ADAM10: variants seen among roughly 807,000 people sequenced by gnomAD.
ADAM10 encodes the protein disintegrin and metalloproteinase domain-containing protein 10.
ADAM10 carries 17 observed loss-of-function variants against 90.1 expected under a neutral mutation model. The ratio of observed to expected loss-of-function variants is 0.19; its 90% CI spans 0.13 to 0.28. The LOEUF is 0.28. Ranked by LOEUF, ADAM10 falls within the 10% of genes least tolerant of loss-of-function variation. ADAM10 has a pLI of 1.00. For missense variants in ADAM10, 610 were observed against 914.3 expected (o/e 0.67, Z 4.29); for synonymous variants, 310 against 298.6 (o/e 1.04, Z -0.40).
intron 10 of ADAM10, among the ~76,000 whole-genome samples, chr15:58,623,998 G>C (rs12906532): frequency 4.5e-5 from 4 of 88,446 alleles, no homozygotes; most frequent in Non-Finnish European, 8.2e-5. Flanking sequence ...AAAAAAAAAA[G>C]GGGGGGCCAG....
chr15:58,646,152 C>G lies in ADAM10; in HGVS notation c.638G>C (p.Arg213Pro). Residue 213 changes from arginine to proline, a missense_variant, in exon 6 of 16, where the codon CGT (arginine) becomes CCT (proline). By Grantham distance (103) the Arg-to-Pro change is moderately radical. This residue lies in a region of ADAM10 where 310 missense variants were observed against 362.4 expected (regional missense o/e 0.86). Transcript: ENST00000260408. ...AGTATTTTTTTCAGCTGAAGTTGTA[C>G]GTTTTTTCCTCAGAAGTTCTGGACC... ...ANGPELLRKK[R>P]TTSAEKNTCQ... The G allele has an allele frequency of 1.2e-6, 2 of 1,613,410 alleles. No homozygotes were observed. The highest frequency in any genetic ancestry group is 8.5e-7 in the Non-Finnish European group (1 of 1,179,740).
intron 11 of ADAM10, among the ~76,000 whole-genome samples, chr15:58,616,619 G>A (rs1340012289): frequency 1.3e-5 from 2 of 152,082 alleles, no homozygotes; most frequent in South Asian, 4.1e-4. Flanking sequence ...CAAATACTAT[G>A]GGATACAGCT....
At chr15:58,646,237 T>A in intron 5 of ADAM10, 33 bp from the exon 6 acceptor site, 1 of 1,593,916 alleles carries the variant, frequency 6.3e-7, no homozygotes, top group South Asian at 1.1e-5. Flanking sequence ...TGACAATTAG[T>A]ATGCTTCAAT....
chr15:58,743,577 C>G (rs1899683314), intron 1 of ADAM10, among the ~76,000 whole-genome samples: 1 of 151,992 alleles, frequency 6.6e-6, no homozygotes, highest in Non-Finnish European at 1.5e-5. Flanking sequence ...CTGTCATCTA[C>G]CTTTCACTGA....
intron 11 of ADAM10, among the ~76,000 whole-genome samples, chr15:58,614,966 A>AAAAAC (rs745659348): frequency 1.8e-4 from 28 of 152,330 alleles, no homozygotes; most frequent in Middle Eastern, 3.4e-3. Context: ...AAGAATATGC[A>AAAAAC]AAAACAAAAC....
chr15:58,642,356 T>C (rs1469319797), intron 7 of ADAM10, among the ~76,000 whole-genome samples: 1 of 151,660 alleles, frequency 6.6e-6, no homozygotes, highest in East Asian at 1.9e-4. Flanking sequence ...TCCCAGCTAC[T>C]CGGGAGGCTG....
chr15:58,642,235 G>A (rs557348272), intron 7 of ADAM10, among the ~76,000 whole-genome samples: 2 of 152,312 alleles, frequency 1.3e-5, no homozygotes, highest in East Asian at 1.9e-4. Flanking sequence ...GGGAGGCCGA[G>A]GCGGGTGATC....
intron 1 of ADAM10, among the ~76,000 whole-genome samples, chr15:58,730,933 C>A (rs1159245581): frequency 6.6e-6 from 1 of 152,204 alleles, no homozygotes; most frequent in Non-Finnish European, 1.5e-5. Context: ...CCCTGGTTCC[C>A]AGACATTAAG....
At chr15:58,660,899 T>C (rs758964839) in intron 5 of ADAM10, among the ~76,000 whole-genome samples, 13 of 152,240 alleles carry the variant, frequency 8.5e-5, no homozygotes, top group South Asian at 2.1e-4. Flanking sequence ...AAAGCAGCCA[T>C]AGACAACCTA....
chr15:58,736,119 G>T (rs1232201509), intron 1 of ADAM10, among the ~76,000 whole-genome samples: 4 of 152,024 alleles, frequency 2.6e-5, no homozygotes, highest in Admixed American at 2.6e-4. Flanking sequence ...ACATGTTCTT[G>T]TTAAGCCAGG....
chr15:58,622,285 C>T (rs1410565957), intron 10 of ADAM10, among the ~76,000 whole-genome samples: 5 of 152,152 alleles, frequency 3.3e-5, no homozygotes, highest in African/African-American at 1.2e-4. Context: ...TGCTTAATAA[C>T]ATCTAACAGC....
chr15:58,672,960 G>C (rs751092496), intron 4 of ADAM10: 5 of 211,596 alleles, frequency 2.4e-5, no homozygotes, highest in Non-Finnish European at 5.0e-5. Context: ...GTTTGTCCTT[G>C]TTTATAAATT....
chr15:58,619,708 C>T lies in ADAM10; in HGVS notation c.1511+1763G>A, dbSNP rs540511908. ...TCAGGAGGTCAGGAGATCGAGACCA[C>T]CTTGGCTAACAAGGTGAAAGCCCAT... is the stretch of plus-strand genomic sequence containing the variant. On this transcript the variant is annotated intron_variant, in intron 11 of 15. Transcript: ENST00000260408. Among the ~76,000 whole-genome samples the T allele has an allele frequency of 6.6e-5, 10 of 151,984 alleles. No homozygotes were observed. The South Asian group carries it at 1.0e-3, about 16-fold the overall frequency.
In ADAM10 at chr15:58,592,605, A is replaced by G. The variant is rs1483992389; in HGVS notation, c.*4942T>C. On this transcript the variant is annotated 3_prime_UTR_variant, in exon 16 of 16. Coordinates refer to ENST00000260408, the MANE Select transcript of ADAM10 (RefSeq NM_001110.4). ...CCCTTGAAGAAAAATGGTACTTAAGAGACCACAATTAGGGCACTCAATTTG... is the reference window on the plus strand; with the variant it reads ...CCCTTGAAGAAAAATGGTACTTAAGGGACCACAATTAGGGCACTCAATTTG... 6.6e-6 allele frequency: 1 copy of G among 152,170 alleles called. No individual in the cohort carries two copies. The highest frequency in any genetic ancestry group is 2.4e-5 in the African/African-American group (1 of 41,442). The allele number at this position is 152,170 out of a possible 1,614,324, so 9.4% of individuals were successfully genotyped here. A position where few individuals can be genotyped will look rare whatever the true frequency, so the allele number is the denominator to read the frequency against.
In ADAM10 at chr15:58,621,663, C is replaced by T. The variant is rs758933362; in HGVS notation, c.1361-42G>A. 5.6e-6 allele frequency: 9 copies of T among 1,609,588 alleles called. No individual in the cohort carries two copies. The East Asian group carries it at 2.0e-4, about 36-fold the overall frequency. On this transcript the variant is annotated intron_variant, in intron 10 of 15. Coordinates refer to ENST00000260408, the MANE Select transcript of ADAM10 (RefSeq NM_001110.4). Reference sequence around the variant, plus strand: ...AGACAAAGTAAGCATTGTGTGCACACATTAATTTTATTTAAAATTCACAAA... The same window carrying T: ...AGACAAAGTAAGCATTGTGTGCACATATTAATTTTATTTAAAATTCACAAA...
At chr15:58,673,639 G>A (rs1042122790) in intron 4 of ADAM10, among the ~76,000 whole-genome samples, 8 of 151,754 alleles carry the variant, frequency 5.3e-5, no homozygotes, top group South Asian at 2.1e-4. Context: ...ATAACGTTAC[G>A]TAATATGAAA....
intron 7 of ADAM10, among the ~76,000 whole-genome samples, chr15:58,641,554 C>A (rs1896416926): frequency 6.6e-6 from 1 of 152,248 alleles, no homozygotes. Flanking sequence ...TTTAAACTCA[C>A]TTCTTTTACT....
At chr15:58,680,569 GA>G (rs766279452) in intron 3 of ADAM10, among the ~76,000 whole-genome samples, 1 of 152,062 alleles carries the variant, frequency 6.6e-6, no homozygotes, top group Non-Finnish European at 1.5e-5. Context: ...GAAATAATAG[GA>G]AAAAAGGTAC....
chr15:58,705,276 A>G (rs2140796815), intron 2 of ADAM10, among the ~76,000 whole-genome samples: 1 of 152,300 alleles, frequency 6.6e-6, no homozygotes, highest in African/African-American at 2.4e-5. Flanking sequence ...CATTATTTCC[A>G]CTGGGAATGT....
Sources: allele counts gnomAD v4.1 joint callset (sites outside exome capture counted in the v4.1 genomes callset), GRCh38; gene constraint gnomAD v4.1.1; regional missense constraint gnomAD v4.1.1; transcripts MANE v1.5; gene names NCBI Gene and HGNC (gene_info 2026-07-23, HGNC 2026-07-21).